Variants in STXBP5L observed in about 807,000 individuals in gnomAD.
STXBP5L encodes the protein syntaxin binding protein 5L.
In STXBP5L, 65 loss-of-function variants were observed where a neutral mutation model predicts 144.5. The ratio of observed to expected loss-of-function variants is 0.45; its 90% CI spans 0.37 to 0.55. The LOEUF (loss-of-function observed/expected upper bound fraction) is 0.55, where lower values mean the gene tolerates loss of function less well. Ranked by LOEUF, STXBP5L falls within the 20% of genes least tolerant of loss-of-function variation. The pLI is 0.00. For synonymous variants in STXBP5L, 505 were observed against 469.6 expected (o/e 1.08, Z -0.97); for missense variants, 1,298 against 1,405.5 (o/e 0.92, Z 1.22).
chr3:121,338,718 A>G (rs925162317), intron 20 of STXBP5L, among the ~76,000 whole-genome samples: 26 of 152,082 alleles, frequency 1.7e-4, no homozygotes, highest in African/African-American at 5.8e-4. Context: ...TGGAGGCATT[A>G]CAGCTGATAC....
chr3:121,214,094 A>G (rs1196700694), intron 10 of STXBP5L, among the ~76,000 whole-genome samples: 2 of 151,482 alleles, frequency 1.3e-5, no homozygotes, highest in Non-Finnish European at 2.9e-5. Context: ...GATTCATCTC[A>G]TTTTTCTTAT....
At chr3:120,947,371 T>G (rs981932657) in intron 2 of STXBP5L, among the ~76,000 whole-genome samples, 2 of 151,824 alleles carry the variant, frequency 1.3e-5, no homozygotes, top group African/African-American at 4.8e-5. Context: ...ATCAACTAGG[T>G]ACCCCAACTG....
chr3:121,311,476 T>C (rs1489432806), intron 19 of STXBP5L, among the ~76,000 whole-genome samples: 1 of 152,210 alleles, frequency 6.6e-6, no homozygotes, highest in Non-Finnish European at 1.5e-5. Flanking sequence ...TTTGATAAAT[T>C]TTTAAAATGG....
At chr3:121,165,150 C>A (rs569168610) in intron 9 of STXBP5L, among the ~76,000 whole-genome samples, 1 of 152,048 alleles carries the variant, frequency 6.6e-6, no homozygotes, top group East Asian at 1.9e-4. Flanking sequence ...TAAATATATA[C>A]GATAAAATTT....
At chr3:121,370,278 G>T (rs2045992300) in intron 20 of STXBP5L, among the ~76,000 whole-genome samples, 1 of 152,154 alleles carries the variant, frequency 6.6e-6, no homozygotes, top group Non-Finnish European at 1.5e-5. Context: ...TGAGGCAAGA[G>T]AATCACTTGA....
At chr3:121,072,731 T>C (rs767033006) in intron 5 of STXBP5L, among the ~76,000 whole-genome samples, 7 of 152,226 alleles carry the variant, frequency 4.6e-5, no homozygotes, top group Non-Finnish European at 8.8e-5. Context: ...CTGTTTCCTC[T>C]AGCCTTGTCA....
chr3:121,039,513 A>G (rs925267501), intron 3 of STXBP5L, among the ~76,000 whole-genome samples: 1 of 151,838 alleles, frequency 6.6e-6, no homozygotes, highest in African/African-American at 2.4e-5. Flanking sequence ...ATATTTACCC[A>G]TATATTTATC....
At chr3:121,180,466 A>G (rs2047097390) in intron 9 of STXBP5L, among the ~76,000 whole-genome samples, 1 of 152,342 alleles carries the variant, frequency 6.6e-6, no homozygotes, top group South Asian at 2.1e-4. Flanking sequence ...ACCTCAAAAT[A>G]CACCAAAATA....
intron 19 of STXBP5L, among the ~76,000 whole-genome samples, chr3:121,294,211 G>A (rs1484894930): frequency 5.3e-5 from 8 of 152,206 alleles, no homozygotes. Flanking sequence ...GGCTTGACTA[G>A]GGTGATAGCA....
intron 2 of STXBP5L, among the ~76,000 whole-genome samples, chr3:120,954,518 G>T (rs1442517727): frequency 1.3e-5 from 2 of 151,848 alleles, no homozygotes; most frequent in African/African-American, 4.8e-5. Context: ...GTATTCCATT[G>T]TATGATTATA....
chr3:121,368,866 A>G (rs2045944267), intron 20 of STXBP5L, among the ~76,000 whole-genome samples: 1 of 152,154 alleles, frequency 6.6e-6, no homozygotes, highest in Admixed American at 6.5e-5. Flanking sequence ...AAAATGAAGG[A>G]GTTAATGGAG....
At chr3:121,206,134 T>A in intron 10 of STXBP5L, 133 bp downstream of exon 10, 2 of 462,916 alleles carry the variant, frequency 4.3e-6, no homozygotes, top group South Asian at 9.6e-5. Context: ...TTAACATAAT[T>A]GACTTGTCTC....
chr3:121,378,435 A>G (rs1020939593), intron 20 of STXBP5L, among the ~76,000 whole-genome samples: 1 of 152,318 alleles, frequency 6.6e-6, no homozygotes, highest in African/African-American at 2.4e-5. Flanking sequence ...TAATACTATA[A>G]TGACAGAATA....
intron 5 of STXBP5L, among the ~76,000 whole-genome samples, chr3:121,088,500 T>C (rs2042608637): frequency 1.8e-5 from 1 of 57,000 alleles, no homozygotes; most frequent in African/African-American, 7.1e-5. Flanking sequence ...GGTGGGACTG[T>C]AAACTAGTTC....
chr3:120,937,720 T>G (rs1710340816), intron 2 of STXBP5L, among the ~76,000 whole-genome samples: 1 of 152,154 alleles, frequency 6.6e-6, no homozygotes, highest in Non-Finnish European at 1.5e-5. Context: ...AAATGGAAAT[T>G]TCAGTATCTT....
chr3:121,042,695 G>C (rs1947244521), intron 4 of STXBP5L, among the ~76,000 whole-genome samples: 1 of 151,956 alleles, frequency 6.6e-6, no homozygotes, highest in African/African-American at 2.4e-5. Flanking sequence ...TCATATCAGA[G>C]GTAACCCAAG....
chr3:121,151,364 T>A (rs1317186977), intron 7 of STXBP5L, among the ~76,000 whole-genome samples: 2 of 152,192 alleles, frequency 1.3e-5, no homozygotes, highest in Non-Finnish European at 2.9e-5. Context: ...CCAAGCATTT[T>A]TGTTATAGCT....
intron 5 of STXBP5L, 81 bp from the exon 6 acceptor site, chr3:121,114,844 C>T (rs1036293691): frequency 2.1e-6 from 2 of 950,742 alleles, no homozygotes; most frequent in Non-Finnish European, 3.0e-6. Flanking sequence ...ATAGCTATCA[C>T]TACATAATAC....
chr3:121,348,385 C>A lies in STXBP5L; in HGVS notation c.2176+29845C>A, dbSNP rs183499843. On this transcript the variant is annotated intron_variant, in intron 20 of 26. Transcript: ENST00000471454. ...AGTATTTTATTGAGGATTTTTGTGTCGATGTTCATCAGGGATATTGGTCTA... is the reference window on the plus strand; with the variant it reads ...AGTATTTTATTGAGGATTTTTGTGTAGATGTTCATCAGGGATATTGGTCTA... Among the ~76,000 whole-genome samples, 3 of 152,124 alleles carry A rather than the reference C, an allele frequency of 2.0e-5. No homozygotes were observed. In the South Asian group the frequency reaches 6.2e-4, roughly 32 times the overall value.
Sources: gnomAD v4.1 joint callset for allele counts (sites outside exome capture counted in the v4.1 genomes callset) on GRCh38, gnomAD v4.1.1 for gene constraint, MANE v1.5 for transcripts, NCBI Gene and HGNC (gene_info 2026-07-23, HGNC 2026-07-21) for gene names.